Variants in NALF1 observed in about 807,000 individuals in gnomAD.
NALF1 encodes the protein NALCN channel auxiliary factor 1.
In NALF1, 3 loss-of-function variants were observed where a neutral mutation model predicts 48.4. The ratio of observed to expected loss-of-function variants is 0.06; its 90% confidence interval spans 0.03 to 0.16. The LOEUF (loss-of-function observed/expected upper bound fraction) is 0.16. Ranked by LOEUF, NALF1 falls within the 10% of genes least tolerant of loss-of-function variation. The pLI is 1.00. For synonymous variants in NALF1, 262 were observed against 245.7 expected (o/e 1.07, Z -0.62); for missense variants, 526 against 571.5 (o/e 0.92, Z 0.81).
rs183655462 is a variant in NALF1, at chr13:107,723,320, T to A, written c.915+142362A>T. Among the ~76,000 whole-genome samples the A allele has an allele frequency of 8.6e-4, 131 of 152,316 alleles. No homozygotes were observed. The Middle Eastern group carries it at 0.01, about 12-fold the overall frequency. On this transcript the variant is annotated intron_variant, in intron 1 of 2. Coordinates refer to ENST00000375915, the MANE Select transcript of NALF1 (RefSeq NM_001080396.3). ...CTATTTTTAGAAGTTTGACCTGGCTTGCATTATACACTTAAGACCTGGCAA... is the reference window on the plus strand; with the variant it reads ...CTATTTTTAGAAGTTTGACCTGGCTAGCATTATACACTTAAGACCTGGCAA...
At chr13:107,171,126 T>A (rs532725018) in intron 2 of NALF1, among the ~76,000 whole-genome samples, 1 of 152,344 alleles carries the variant, frequency 6.6e-6, no homozygotes, top group South Asian at 2.1e-4. Context: ...CCTTTCTTCT[T>A]TCACAGGAAT....
intron 1 of NALF1, among the ~76,000 whole-genome samples, chr13:107,681,516 A>C (rs1881303436): frequency 6.6e-6 from 1 of 152,096 alleles, no homozygotes. Flanking sequence ...CATAATCCCT[A>C]TGCCCAGTTA....
chr13:107,343,875 A>G (rs1328409708), intron 1 of NALF1, among the ~76,000 whole-genome samples: 1 of 152,150 alleles, frequency 6.6e-6, no homozygotes, highest in African/African-American at 2.4e-5. Context: ...TCAACAAAGT[A>G]GAGAACAGAA....
intron 1 of NALF1, among the ~76,000 whole-genome samples, chr13:107,368,684 G>A (rs753806633): frequency 6.6e-6 from 1 of 152,114 alleles, no homozygotes. Flanking sequence ...AAGGACATTT[G>A]TGATTACATT....
intron 1 of NALF1, among the ~76,000 whole-genome samples, chr13:107,423,236 G>A (rs892809285): frequency 2.0e-5 from 3 of 152,140 alleles, no homozygotes; most frequent in Non-Finnish European, 2.9e-5. Flanking sequence ...ACTTAATGAA[G>A]GAAACTCAAT....
intron 1 of NALF1, among the ~76,000 whole-genome samples, chr13:107,692,205 T>G (rs1881584038): frequency 6.6e-6 from 1 of 152,192 alleles, no homozygotes. Flanking sequence ...AAAAATAAAT[T>G]AAAAGCCTAA....
intron 1 of NALF1, among the ~76,000 whole-genome samples, 167 bp from the exon 2 acceptor site, chr13:107,210,922 A>G (rs989489992): frequency 2.0e-5 from 3 of 152,240 alleles, no homozygotes; most frequent in Non-Finnish European, 2.9e-5. Context: ...ATAAAAACAC[A>G]GCAACGAAAG....
intron 1 of NALF1, among the ~76,000 whole-genome samples, chr13:107,659,509 C>T (rs1238574966): frequency 9.8e-6 from 1 of 102,406 alleles, no homozygotes; most frequent in Non-Finnish European, 2.0e-5. Flanking sequence ...ATTTATTTGG[C>T]ATCTTTTTTT....
Position 107,664,952 on chromosome 13 carries a change from C to T in NALF1, c.915+200730G>A, listed in dbSNP as rs549672241. Among the ~76,000 whole-genome samples, 30 of 144,562 alleles carry T rather than the reference C, an allele frequency of 2.1e-4. 1 individual carries two copies. The highest frequency in any genetic ancestry group is 3.4e-3 in the Middle Eastern group (1 of 292). 94.8% of individuals were successfully genotyped at this position (144,562 alleles called of 152,430 possible). A position where few individuals can be genotyped will look rare whatever the true frequency, so the allele number is the denominator to read the frequency against. On this transcript the variant is annotated intron_variant, in intron 1 of 2. Coordinates refer to ENST00000375915, the MANE Select transcript of NALF1 (RefSeq NM_001080396.3). ...ATCATACAAACCACTCAGAACAACACGTAATAATGATGGGAAAGTGAAACA... is the reference window on the plus strand; with the variant it reads ...ATCATACAAACCACTCAGAACAACATGTAATAATGATGGGAAAGTGAAACA...
chr13:107,246,587 C>T (rs993870584), intron 1 of NALF1, among the ~76,000 whole-genome samples: 25 of 152,180 alleles, frequency 1.6e-4, no homozygotes, highest in Admixed American at 1.6e-3. Context: ...GCAGTTCAAT[C>T]CTGTTTAAAT....
rs902259069 is a variant in NALF1, at chr13:107,486,817, G to C, written c.916-276062C>G. Among the ~76,000 whole-genome samples the C allele has an allele frequency of 3.9e-5, 6 of 152,016 alleles. 1 individual carries two copies. Among genetic ancestry groups the C allele is most frequent in the Admixed American group, 2.0e-4 (3 of 15,240 alleles). ...ACTCCCTGCTTTTGGATATTGAAGG[G>C]AGTTCATTTTTTAACATGATTCATG... On this transcript the variant is annotated intron_variant, in intron 1 of 2. Transcript: ENST00000375915.
intron 1 of NALF1, among the ~76,000 whole-genome samples, chr13:107,723,509 G>A (rs1876050339): frequency 1.3e-5 from 2 of 152,116 alleles, no homozygotes. Context: ...CATTTAAAGA[G>A]GGTTTTAAAC....
chr13:107,447,646 C>G (rs1884672454), intron 1 of NALF1, among the ~76,000 whole-genome samples: 1 of 152,090 alleles, frequency 6.6e-6, no homozygotes, highest in Non-Finnish European at 1.5e-5. Context: ...GAAGCAGGCA[C>G]AGAAAGTAGA....
At chr13:107,458,297 T>C (rs1274625969) in intron 1 of NALF1, among the ~76,000 whole-genome samples, 1 of 152,180 alleles carries the variant, frequency 6.6e-6, no homozygotes, top group Non-Finnish European at 1.5e-5. Context: ...GACACTTTAC[T>C]CAGAGAGGGG....
intron 1 of NALF1, among the ~76,000 whole-genome samples, chr13:107,431,421 A>C (rs555530561): frequency 7.2e-5 from 11 of 152,264 alleles, no homozygotes; most frequent in Non-Finnish European, 1.3e-4. Flanking sequence ...ACAAACACAC[A>C]ATCTCAATTT....
chr13:107,169,377 CAAT>C lies in NALF1; in HGVS notation c.*1117_*1119del, dbSNP rs1351972172. 7 of 150,880 alleles carry C rather than the reference CAAT, an allele frequency of 4.6e-5. No homozygotes were observed. In the East Asian group the frequency reaches 1.2e-3, roughly 25 times the overall value. 9.3% of individuals were successfully genotyped at this position (150,880 alleles called of 1,614,324 possible). The stretch of plus-strand genomic sequence containing the variant: ...AGCATTTCTAGTGTCTCTTCCACAA[CAAT>C]AAGGGAGGAAAAGAAGTCCAGATAT... On this transcript the variant is annotated 3_prime_UTR_variant, in exon 3 of 3. Transcript: ENST00000375915.
chr13:107,688,656 T>A (rs963202236), intron 1 of NALF1, among the ~76,000 whole-genome samples: 4 of 152,172 alleles, frequency 2.6e-5, no homozygotes, highest in African/African-American at 9.7e-5. Context: ...TAGGAAAGAT[T>A]TTTCAGGGGA....
At chr13:107,668,855 T>C (rs1312183463) in intron 1 of NALF1, among the ~76,000 whole-genome samples, 1 of 152,038 alleles carries the variant, frequency 6.6e-6, no homozygotes, top group Non-Finnish European at 1.5e-5. Context: ...AGATCAGACC[T>C]AGGGGACGCT....
Position 107,169,628 on chromosome 13 carries a change from T to C in NALF1, c.*869A>G, listed in dbSNP as rs1431114938. ...ATGGGAACTGGAGCAATACAGTTCATGATAGTTTTTTTTAATTTTTTCCTT... is the reference window on the plus strand; with the variant it reads ...ATGGGAACTGGAGCAATACAGTTCACGATAGTTTTTTTTAATTTTTTCCTT... On this transcript the variant is annotated 3_prime_UTR_variant, in exon 3 of 3. Transcript: ENST00000375915. The C allele has an allele frequency of 6.6e-6, 1 of 152,296 alleles. No homozygotes were observed. The highest frequency in any genetic ancestry group is 1.5e-5 in the Non-Finnish European group (1 of 68,026). 9.4% of individuals were successfully genotyped at this position (152,296 alleles called of 1,614,324 possible).
Sources: gnomAD v4.1 joint callset for allele counts (sites outside exome capture counted in the v4.1 genomes callset) on GRCh38, gnomAD v4.1.1 for gene constraint, MANE v1.5 for transcripts, NCBI Gene and HGNC (gene_info 2026-07-23, HGNC 2026-07-21) for gene names.